The following NELL1 variants were observed in gnomAD, a reference collection of about 807,000 sequenced individuals.
NELL1 encodes protein kinase C-binding protein NELL1.
NELL1 carries 76 observed loss-of-function variants against 107.4 expected under a neutral mutation model. That is an observed-to-expected ratio of 0.71 (90% CI 0.59 to 0.86). NELL1 has a LOEUF of 0.86. Among genes scored for constraint, NELL1 ranks in the 40% least tolerant of loss-of-function variants. The probability of loss-of-function intolerance (pLI) is 0.00; values close to 1 mark genes in which losing one functional copy is unlikely to be tolerated. For synonymous variants in NELL1, 353 were observed against 341.2 expected (o/e 1.03, Z -0.38); for missense variants, 1,024 against 1,005.5 (o/e 1.02, Z -0.25).
At chr11:20,899,766 G>A (rs921463000) in intron 5 of NELL1, among the ~76,000 whole-genome samples, 1 of 152,048 alleles carries the variant, frequency 6.6e-6, no homozygotes, top group African/African-American at 2.4e-5. Flanking sequence ...AATAAAAAAA[G>A]CATATAACAA....
intron 15 of NELL1, among the ~76,000 whole-genome samples, chr11:21,399,130 A>G (rs1221771658): frequency 2.0e-5 from 3 of 151,852 alleles, no homozygotes; most frequent in Non-Finnish European, 2.9e-5. Context: ...CAAAGGGCCA[A>G]GGAAAATAAA....
chr11:21,193,825 AT>A (rs1857096071), intron 13 of NELL1, among the ~76,000 whole-genome samples: 2 of 151,950 alleles, frequency 1.3e-5, no homozygotes, highest in Admixed American at 1.3e-4. Context: ...TCAGTATCTG[AT>A]TTTTAGATTC....
intron 15 of NELL1, among the ~76,000 whole-genome samples, chr11:21,470,017 T>C (rs1854132978): frequency 6.6e-6 from 1 of 152,096 alleles, no homozygotes; most frequent in South Asian, 2.1e-4. Context: ...GAATGAAACT[T>C]GATTAATGAT....
chr11:21,384,431 C>CT (rs60693487), intron 15 of NELL1, among the ~76,000 whole-genome samples: 14,937 of 148,570 alleles, frequency 0.1, 918 homozygotes, highest in South Asian at 0.17. Flanking sequence ...TCTTGATTTT[C>CT]TTTTTTTTTT....
chr11:20,707,304 G>C (rs570419644), intron 2 of NELL1, among the ~76,000 whole-genome samples: 2 of 152,108 alleles, frequency 1.3e-5, no homozygotes. Context: ...TGATGGGTTT[G>C]AACTTCCTCC....
intron 3 of NELL1, among the ~76,000 whole-genome samples, chr11:20,838,384 A>G (rs1848569012): frequency 6.6e-6 from 1 of 150,690 alleles, no homozygotes; most frequent in African/African-American, 2.4e-5. Flanking sequence ...TTAGGTGAAA[A>G]CTAAGAAAAT....
At chr11:20,927,173 T>A in intron 7 of NELL1, 135 bp from the exon 8 acceptor site, 5 of 719,416 alleles carry the variant, frequency 7.0e-6, no homozygotes, top group Non-Finnish European at 1.1e-5. Flanking sequence ...AAAAAACAGA[T>A]AATGCTAAGA....
chr11:21,345,590 A>G (rs770454894), intron 14 of NELL1, among the ~76,000 whole-genome samples: 1 of 152,166 alleles, frequency 6.6e-6, no homozygotes, highest in Non-Finnish European at 1.5e-5. Context: ...CACAGGTCCT[A>G]GTATCATCCC....
At chr11:20,821,083 A>G (rs1305596198) in intron 3 of NELL1, among the ~76,000 whole-genome samples, 1 of 152,176 alleles carries the variant, frequency 6.6e-6, no homozygotes, top group East Asian at 1.9e-4. Context: ...TAACCCTTCC[A>G]GGGAAAGTCA....
chr11:21,190,356 AC>A (rs1387124144), intron 13 of NELL1, among the ~76,000 whole-genome samples: 10 of 151,930 alleles, frequency 6.6e-5, no homozygotes, highest in Non-Finnish European at 1.3e-4. Context: ...TGTCTCCAAA[AC>A]AAAAAACAAA....
intron 7 of NELL1, among the ~76,000 whole-genome samples, chr11:20,923,465 C>G (rs1209127016): frequency 6.6e-6 from 1 of 152,042 alleles, no homozygotes; most frequent in Non-Finnish European, 1.5e-5. Flanking sequence ...AGTAATAAAC[C>G]TTTTTTGTCC....
chr11:21,460,892 A>T (rs930972591), intron 15 of NELL1, among the ~76,000 whole-genome samples: 6 of 152,054 alleles, frequency 3.9e-5, no homozygotes, highest in African/African-American at 1.4e-4. Context: ...GAAAGGAAAC[A>T]CCCCTAGCTC....
chr11:21,233,527 C>T (rs1211757661), intron 14 of NELL1, among the ~76,000 whole-genome samples: 1 of 152,128 alleles, frequency 6.6e-6, no homozygotes, highest in African/African-American at 2.4e-5. Context: ...GGGAAGAGAG[C>T]ATACAATGAT....
intron 12 of NELL1, among the ~76,000 whole-genome samples, chr11:21,068,781 G>C (rs192732962): frequency 6.6e-6 from 1 of 152,134 alleles, no homozygotes; most frequent in East Asian, 1.9e-4. Flanking sequence ...TAAATACTTG[G>C]GGCTGAATTA....
chr11:21,389,760 A>G (rs1851826871), intron 15 of NELL1, among the ~76,000 whole-genome samples: 1 of 151,736 alleles, frequency 6.6e-6, no homozygotes, highest in African/African-American at 2.4e-5. Context: ...GTAATTTGTT[A>G]TTTCTCACTG....
chr11:21,480,215 C>T lies in NELL1; in HGVS notation c.1646-54159C>T, dbSNP rs970136658. 2.0e-5 allele frequency among the ~76,000 whole-genome samples: 3 copies of T among 152,112 alleles called. No individual in the cohort carries two copies. In the South Asian group the frequency reaches 6.2e-4, roughly 31 times the overall value. On this transcript the variant is annotated intron_variant, in intron 15 of 19. Transcript: ENST00000357134. ...AGTATAATGAGAAGTTTTCCTGATG[C>T]TTTTACTATTAGCTTTGGAATCAGT...
In NELL1 at chr11:20,687,519, G is replaced by C. The variant is rs1314385969; in HGVS notation, c.184+9459G>C. Among the ~76,000 whole-genome samples, 5 of 151,906 alleles carry C rather than the reference G, an allele frequency of 3.3e-5. No individual in the cohort carries two copies. The South Asian group carries it at 6.2e-4, about 19-fold the overall frequency. On this transcript the variant is annotated intron_variant, in intron 2 of 19. Coordinates refer to ENST00000357134, the MANE Select transcript of NELL1 (RefSeq NM_006157.5). ...AGAATGTAGTATGCCAGGGAGATTG[G>C]TATTATGAATATTAGGAAGATAATG...
At chr11:21,003,220 A>G (rs1852261102) in intron 12 of NELL1, among the ~76,000 whole-genome samples, 1 of 152,148 alleles carries the variant, frequency 6.6e-6, no homozygotes, top group African/African-American at 2.4e-5. Flanking sequence ...CCTGCAAATC[A>G]TGCCTATAAA....
At chr11:21,569,955 TA>T (rs1323630275) in intron 17 of NELL1, among the ~76,000 whole-genome samples, 1 of 151,864 alleles carries the variant, frequency 6.6e-6, no homozygotes, top group Non-Finnish European at 1.5e-5. Flanking sequence ...GGTCTTACCT[TA>T]AATTTTCAGC....
Sources: allele counts gnomAD v4.1 joint callset (sites outside exome capture counted in the v4.1 genomes callset), GRCh38; gene constraint gnomAD v4.1.1; transcripts MANE v1.5; gene names NCBI Gene and HGNC (gene_info 2026-07-23, HGNC 2026-07-21).